Variants in TNXB observed in about 807,000 individuals in gnomAD.
The protein encoded by TNXB is tenascin-X.
TNXB carries 183 observed loss-of-function variants against 340.5 expected under a neutral mutation model. The ratio of observed to expected loss-of-function variants is 0.54; its 90% confidence interval spans 0.48 to 0.61. The LOEUF (loss-of-function observed/expected upper bound fraction) is 0.61. Ranked by LOEUF, TNXB falls within the 20% of genes least tolerant of loss-of-function variation. The pLI is 0.00. For synonymous variants in TNXB, 2,121 were observed against 2,314.5 expected (o/e 0.92, Z 2.40); for missense variants, 4,613 against 5,446.4 (o/e 0.85, Z 4.82).
Position 32,049,981 on chromosome 6 carries a change from TC to T in TNXB, c.9439+16del, listed in dbSNP as rs1316292968. 1 of 1,612,036 alleles carries T rather than the reference TC, an allele frequency of 6.2e-7. No homozygotes were observed. The highest frequency in any genetic ancestry group is 8.5e-7 in the Non-Finnish European group (1 of 1,178,592). ...CCTCCCACAGCTCCCACCCTGGGGC[TC>T]CCATCATTCACTCACCCGTCACCCC... On this transcript the variant is annotated intron_variant, in intron 27 of 43. Transcript: ENST00000644971. The surrounding 1 kb of genome is among the most constrained non-coding windows in gnomAD (Gnocchi z 4.5).
chr6:32,069,809 A>G lies in TNXB; in HGVS notation c.5331T>C (p.Arg1777=). 6.2e-7 allele frequency: 1 copy of G among 1,606,674 alleles called. No homozygotes were observed. The highest frequency in any genetic ancestry group is 8.5e-7 in the Non-Finnish European group (1 of 1,176,482). Residue 1777 remains arginine, a synonymous_variant, in exon 15 of 44, where the codon CGT becomes CGC. Coordinates refer to ENST00000644971, the MANE Select transcript of TNXB (RefSeq NM_001365276.2). This position sits in a 1 kb window ranked among gnomAD's most constrained non-coding sequence, Gnocchi z 6.2. ...TGGTCACCTGCAGCTCCTCCCCCAG[A>G]CGGGGTTTTGGGGGACGCTTTGTTC... is the stretch of plus-strand genomic sequence containing the variant. ...DTGTKRPPKP[R]LGEELQVTTV...
chr6:32,086,835 A>ACCC (rs1779806082), intron 6 of TNXB, among the ~76,000 whole-genome samples: 1 of 152,218 alleles, frequency 6.6e-6, no homozygotes. Flanking sequence ...GGAAAACAGT[A>ACCC]ACCACTAACC....
Position 32,053,697 on chromosome 6 carries a change from C to T in TNXB, c.8482G>A (p.Ala2828Thr), listed in dbSNP as rs777104401. The change falls in exon 25 of 44, where the codon GCA becomes ACA. Residue 2828 changes from alanine (A) to threonine (T), a missense_variant. Physicochemically the swap from Ala to Thr is moderately conservative, Grantham distance 58. This residue lies in a region of TNXB where 4,327 missense variants were observed against 4,859.4 expected (regional missense o/e 0.89). Transcript: ENST00000644971. Reference protein sequence around the residue: ...TVGVTAPEDEAETTQAVPTTT... With the variant: ...TVGVTAPEDETETTQAVPTTT... ...GTGGGCACTGCTTGGGTGGTCTCTG[C>T]TTCATCCTCTGGAGCTGGACAGACA... 92 of 1,612,200 alleles carry T rather than the reference C, an allele frequency of 5.7e-5. No homozygotes were observed. Among genetic ancestry groups the T allele is most frequent in the Non-Finnish European group, 7.3e-5 (86 of 1,179,180 alleles).
chr6:32,069,494 T>C lies in TNXB; in HGVS notation c.5587+59A>G, dbSNP rs879532274. On this transcript the variant is annotated intron_variant, in intron 15 of 43. Coordinates refer to ENST00000644971, the MANE Select transcript of TNXB (RefSeq NM_001365276.2). The surrounding 1 kb of genome is among the most constrained non-coding windows in gnomAD (Gnocchi z 6.2). ...GAAGCTCAGAGATCTTATGGCTCAG[T>C]CAGACCAGGAGAGCCAGGCGGGAAG... 9.4e-6 allele frequency: 14 copies of C among 1,488,798 alleles called. No homozygotes were observed. Among genetic ancestry groups the C allele is most frequent in the African/African-American group, 1.4e-5 (1 of 71,354 alleles). 92.2% of individuals were successfully genotyped at this position (1,488,798 alleles called of 1,614,324 possible).
chr6:32,086,739 T>A (rs1779802000), intron 6 of TNXB, among the ~76,000 whole-genome samples: 1 of 152,212 alleles, frequency 6.6e-6, no homozygotes, highest in African/African-American at 2.4e-5. Flanking sequence ...TGGTTTCACC[T>A]CCCCAATATA....
intron 18 of TNXB, among the ~76,000 whole-genome samples, chr6:32,066,812 G>A (rs903306146): frequency 2.5e-4 from 38 of 152,192 alleles, no homozygotes; most frequent in African/African-American, 9.2e-4. Flanking sequence ...GGCGGCTCAC[G>A]CCTGGAATCC....
intron 24 of TNXB, among the ~76,000 whole-genome samples, chr6:32,054,502 T>C (rs1777513113): frequency 6.6e-6 from 1 of 152,242 alleles, no homozygotes; most frequent in Non-Finnish European, 1.5e-5. Flanking sequence ...TCTAGCCTCC[T>C]GGCCTTTGCA....
At chr6:32,060,446 T>G (rs1777940583) in intron 21 of TNXB, among the ~76,000 whole-genome samples, 1 of 151,900 alleles carries the variant, frequency 6.6e-6, no homozygotes, top group Non-Finnish European at 1.5e-5. Flanking sequence ...TCCCTTTCCC[T>G]GATTGTAAAA....
Position 32,097,541 on chromosome 6 carries a change from G to A in TNXB, c.404-92C>T. The A allele has an allele frequency of 1.4e-6, 2 of 1,447,788 alleles. No homozygotes were observed. Among genetic ancestry groups the A allele is most frequent in the South Asian group, 1.4e-5 (1 of 73,166 alleles). The allele number at this position is 1,447,788 out of a possible 1,614,324, so 89.7% of individuals were successfully genotyped here. ...CTCCTATGTGCAGGCCCCTAGCCAG[G>A]CTAGCCTCATCTCATAAGGCCATGT... is the stretch of plus-strand genomic sequence containing the variant. On this transcript the variant is annotated intron_variant, in intron 2 of 43. Coordinates refer to ENST00000644971, the MANE Select transcript of TNXB (RefSeq NM_001365276.2). This position sits in a 1 kb window ranked among gnomAD's most constrained non-coding sequence, Gnocchi z 5.9.
Position 32,084,321 on chromosome 6 carries a change from G to A in TNXB, c.3445+92C>T. 9.3e-7 allele frequency: 1 copy of A among 1,078,674 alleles called. No homozygotes were observed. The highest frequency in any genetic ancestry group is 1.3e-6 in the Non-Finnish European group (1 of 799,744). 66.8% of individuals were successfully genotyped at this position (1,078,674 alleles called of 1,614,324 possible). A position where few individuals can be genotyped will look rare whatever the true frequency, so the allele number is the denominator to read the frequency against. On this transcript the variant is annotated intron_variant, in intron 8 of 43. Coordinates refer to ENST00000644971, the MANE Select transcript of TNXB (RefSeq NM_001365276.2). The surrounding 1 kb of genome is among the most constrained non-coding windows in gnomAD (Gnocchi z 5.5). ...GCTCATGCACCACTGCCTCCAGGAA[G>A]CCTTCCCGGAGCTCCCAAAGCAGGT... is the stretch of plus-strand genomic sequence containing the variant.
At chr6:32,077,863 T>C (rs1012292743) in intron 11 of TNXB, among the ~76,000 whole-genome samples, 4 of 151,634 alleles carry the variant, frequency 2.6e-5, no homozygotes, top group Non-Finnish European at 5.9e-5. Context: ...CCCATCTCTA[T>C]TAAAAATACA....
chr6:32,078,073 G>GAGAAAGAAAGAAAGAAAGAA lies in TNXB; in HGVS notation c.4375+940_4375+959dup, dbSNP rs57498424. On this transcript the variant is annotated intron_variant, in intron 11 of 43. Transcript: ENST00000644971. ...AGAGAGAGAGAGAGACAGAAAGAAA[G>GAGAAAGAAAGAAAGAAAGAA]AGAAAGAAAGAAAGAAAGAAAGAAA... Among the ~76,000 whole-genome samples the GAGAAAGAAAGAAAGAAAGAA allele has an allele frequency of 9.8e-4, 123 of 125,090 alleles. 2 individuals are homozygous for GAGAAAGAAAGAAAGAAAGAA. The highest frequency in any genetic ancestry group is 1.4e-3 in the Admixed American group (17 of 11,888). The allele number at this position is 125,090 out of a possible 152,430, so 82.1% of individuals were successfully genotyped here.
At chr6:32,077,489 T>C (rs1779142455) in intron 11 of TNXB, among the ~76,000 whole-genome samples, 1 of 152,250 alleles carries the variant, frequency 6.6e-6, no homozygotes, top group African/African-American at 2.4e-5. Flanking sequence ...TTGAGAAAGG[T>C]GTGTCTTTGT....
chr6:32,082,229 G>C lies in TNXB; in HGVS notation c.3543C>G (p.Val1181=). The part of the protein sequence containing the change: ...TPDSLHLSWT[V]PEGQFDTFMV... ...TGAAGGTGTCAAACTGGCCCTCAGG[G>C]ACAGTCCAGGAGAGGTGCAGTGAAT... Residue 1181 remains valine, a synonymous_variant, in exon 9 of 44, where the codon GTC becomes GTG. Transcript: ENST00000644971. This position sits in a 1 kb window ranked among gnomAD's most constrained non-coding sequence, Gnocchi z 5.0. The C allele has an allele frequency of 6.2e-6, 10 of 1,612,260 alleles. No individual in the cohort carries two copies. The highest frequency in any genetic ancestry group is 7.6e-6 in the Non-Finnish European group (9 of 1,179,502).
At position 32,048,387 on chromosome 6, in the gene TNXB, G is replaced by C; in HGVS notation, c.10021C>G (p.Pro3341Ala). 1 of 1,522,580 alleles carries C rather than the reference G, an allele frequency of 6.6e-7. No individual in the cohort carries two copies. The highest frequency in any genetic ancestry group is 8.8e-7 in the Non-Finnish European group (1 of 1,130,014). The allele number at this position is 1,522,580 out of a possible 1,614,324, so 94.3% of individuals were successfully genotyped here. The stretch of plus-strand genomic sequence containing the variant: ...CCGGTCCTGGCCTCCACAGGGACTG[G>C]GCCGTGGCGTTTCCCATTCTGGAGT... ...FGLQNGKRHGPVPVEARTAPD... is the reference protein window; with the variant it reads ...FGLQNGKRHGAVPVEARTAPD... The change falls in exon 29 of 44, where the codon CCA becomes GCA. Residue 3341 changes from proline to alanine, a missense_variant. Around this residue, in one of 7 missense-constraint regions of TNXB, gnomAD observed 4,327 missense variants for 4,859.4 expected, o/e 0.89. Transcript: ENST00000644971.
At position 32,061,986 on chromosome 6, in the gene TNXB, G is replaced by A. The variant is rs1224187547; in HGVS notation, c.7168+171C>T. Among the ~76,000 whole-genome samples, 3 of 152,160 alleles carry A rather than the reference G, an allele frequency of 2.0e-5. No individual in the cohort carries two copies. Among genetic ancestry groups the A allele is most frequent in the Non-Finnish European group, 2.9e-5 (2 of 68,008 alleles). ...ACTCCCAATGGCCCCTCCCTGCTCA[G>A]GGGGAGCCAGGGGTCAACCACACAA... On this transcript the variant is annotated intron_variant, in intron 20 of 43. Coordinates refer to ENST00000644971, the MANE Select transcript of TNXB (RefSeq NM_001365276.2). The surrounding 1 kb of genome is among the most constrained non-coding windows in gnomAD (Gnocchi z 4.4).
At position 32,088,242 on chromosome 6, in the gene TNXB, G is replaced by A. The variant is rs1315490279; in HGVS notation, c.2779+543C>T. 2.0e-5 allele frequency among the ~76,000 whole-genome samples: 3 copies of A among 152,334 alleles called. No homozygotes were observed. The East Asian group carries it at 5.8e-4, about 29-fold the overall frequency. The stretch of plus-strand genomic sequence containing the variant: ...CGTGGGTGGGGCCCTGTAGCTGAAG[G>A]AGAGAAAGGGGAGTCGGGGAAGAGA... On this transcript the variant is annotated intron_variant, in intron 6 of 43. Transcript: ENST00000644971.
At chr6:32,106,701 C>A (rs1423678744) in intron 1 of TNXB, among the ~76,000 whole-genome samples, 2 of 152,168 alleles carry the variant, frequency 1.3e-5, no homozygotes, top group African/African-American at 4.8e-5. Flanking sequence ...AGAGGCCTGG[C>A]ATACAGAGAG....
In TNXB at chr6:32,069,197, G is replaced by A; in HGVS notation, c.5588-61C>T. 1 of 1,506,298 alleles carries A rather than the reference G, an allele frequency of 6.6e-7. No homozygotes were observed. Among genetic ancestry groups the A allele is most frequent in the South Asian group, 1.2e-5 (1 of 80,118 alleles). 93.3% of individuals were successfully genotyped at this position (1,506,298 alleles called of 1,614,324 possible). On this transcript the variant is annotated intron_variant, in intron 15 of 43. Coordinates refer to ENST00000644971, the MANE Select transcript of TNXB (RefSeq NM_001365276.2). The surrounding 1 kb of genome is among the most constrained non-coding windows in gnomAD (Gnocchi z 6.2). The stretch of plus-strand genomic sequence containing the variant: ...TGTGTCGCTGCACCCAGACTCTCAG[G>A]AGGAGTGAGGGAGGAGAGGGAGTGA...
Sources: allele counts gnomAD v4.1 joint callset (sites outside exome capture counted in the v4.1 genomes callset), GRCh38; gene constraint gnomAD v4.1.1; regional missense constraint gnomAD v4.1.1; non-coding constraint Gnocchi (gnomAD v3.1); transcripts MANE v1.5; gene names NCBI Gene and HGNC (gene_info 2026-07-23, HGNC 2026-07-21).